Variants in REEP3 observed in about 807,000 individuals in gnomAD.
REEP3 encodes the protein receptor accessory protein 3, also known as receptor expression-enhancing protein 3.
A neutral mutation model predicts 41.3 loss-of-function variants in REEP3; 20 were observed. That is an observed-to-expected ratio of 0.48 (90% confidence interval 0.34 to 0.70). REEP3 has a LOEUF of 0.70. Among genes scored for constraint, REEP3 ranks in the 30% least tolerant of loss-of-function variants. The pLI is 0.01. For synonymous variants in REEP3, 104 were observed against 101.8 expected, an observed-to-expected ratio of 1.02 and a Z score of -0.13; for missense variants, 271 against 308.8, an observed-to-expected ratio of 0.88 and a Z score of 0.92.
chr10:63,533,662 G>A (rs1955446019), intron 1 of REEP3, among the ~76,000 whole-genome samples: 1 of 150,556 alleles, frequency 6.6e-6, no homozygotes, highest in Non-Finnish European at 1.5e-5. Context: ...ACTCTTTAAA[G>A]ATATACCTAT....
At chr10:63,564,134 A>C (rs1727323341) in intron 1 of REEP3, among the ~76,000 whole-genome samples, 1 of 152,228 alleles carries the variant, frequency 6.6e-6, no homozygotes, top group African/African-American at 2.4e-5. Flanking sequence ...TACCATGCCA[A>C]TATAAGATGT....
chr10:63,588,587 AACAT>A (rs1956028999), intron 2 of REEP3, among the ~76,000 whole-genome samples: 1 of 152,222 alleles, frequency 6.6e-6, no homozygotes, highest in African/African-American at 2.4e-5. Context: ...CCAATCCATC[AACAT>A]ACATTTATTT....
intron 6 of REEP3, among the ~76,000 whole-genome samples, chr10:63,613,220 C>T (rs2133431190): frequency 6.6e-6 from 1 of 152,252 alleles, no homozygotes; most frequent in Non-Finnish European, 1.5e-5. Flanking sequence ...CCATGTTGGT[C>T]AGGCTGGTCT....
intron 2 of REEP3, among the ~76,000 whole-genome samples, chr10:63,573,988 C>T (rs1306551748): frequency 1.3e-5 from 2 of 152,094 alleles, no homozygotes; most frequent in African/African-American, 2.4e-5. Flanking sequence ...TTTATCAAAG[C>T]TGTATTTACT....
chr10:63,525,697 G>A (rs1296409361), intron 1 of REEP3, among the ~76,000 whole-genome samples: 1 of 152,134 alleles, frequency 6.6e-6, no homozygotes, highest in Non-Finnish European at 1.5e-5. Context: ...GGGATTACAG[G>A]CATGAATAGT....
chr10:63,612,539 C>G (rs1481211450), intron 6 of REEP3, among the ~76,000 whole-genome samples: 1 of 152,070 alleles, frequency 6.6e-6, no homozygotes, highest in Admixed American at 6.5e-5. Flanking sequence ...ACCTGTAATC[C>G]CAGAACTTTG....
chr10:63,552,431 T>C (rs1207426135), intron 1 of REEP3, among the ~76,000 whole-genome samples: 1 of 151,936 alleles, frequency 6.6e-6, no homozygotes, highest in Non-Finnish European at 1.5e-5. Flanking sequence ...GAAAGAAATA[T>C]AACATTGATG....
chr10:63,575,838 A>G (rs1955894400), intron 2 of REEP3, among the ~76,000 whole-genome samples: 1 of 152,122 alleles, frequency 6.6e-6, no homozygotes, highest in Non-Finnish European at 1.5e-5. Flanking sequence ...GGTTCAAGCA[A>G]TTCTCCTGTC....
At chr10:63,589,481 G>A (rs1442153257) in intron 2 of REEP3, among the ~76,000 whole-genome samples, 2 of 152,110 alleles carry the variant, frequency 1.3e-5, no homozygotes, top group East Asian at 3.9e-4. Flanking sequence ...AAAAGCATGA[G>A]GTCACAATAT....
intron 2 of REEP3, among the ~76,000 whole-genome samples, chr10:63,589,813 G>GTTTTTTTTTTTT (rs1956043188): frequency 5.7e-5 from 2 of 34,874 alleles, no homozygotes; most frequent in African/African-American, 9.9e-5. Context: ...TTTTTTTTTG[G>GTTTTTTTTTTTT]AAACGGAGTC....
intron 1 of REEP3, chr10:63,562,913 G>A (rs773532465): frequency 4.4e-5 from 20 of 456,320 alleles, no homozygotes; most frequent in Non-Finnish European, 6.6e-5. Context: ...ATGTGACTAC[G>A]TTTGGAGTTA....
chr10:63,620,761 A>AT (rs1554809373), intron 7 of REEP3, 52 bp from the exon 8 acceptor site: 10 of 1,238,924 alleles, frequency 8.1e-6, no homozygotes, highest in East Asian at 7.6e-5. Flanking sequence ...ATCTGATGTA[A>AT]TTTTTTAAAG....
intron 1 of REEP3, among the ~76,000 whole-genome samples, chr10:63,530,289 A>T (rs565206116): frequency 6.6e-6 from 1 of 152,136 alleles, no homozygotes; most frequent in African/African-American, 2.4e-5. Flanking sequence ...TAAAATCTCA[A>T]TGATAGCTAA....
At chr10:63,568,805 A>G (rs1008316038) in intron 2 of REEP3, among the ~76,000 whole-genome samples, 5 of 140,464 alleles carry the variant, frequency 3.6e-5, no homozygotes, top group African/African-American at 1.3e-4. Flanking sequence ...ACAGCCGTGC[A>G]CCACCATGCC....
chr10:63,625,128 A>G lies in REEP3; in HGVS notation c.*4259A>G, dbSNP rs989182477. Reference sequence around the variant, plus strand: ...ATAAATAAAAATTCAAAAGAACACAATATATGAACGGCATTTTTTTTCAGT... The same window carrying G: ...ATAAATAAAAATTCAAAAGAACACAGTATATGAACGGCATTTTTTTTCAGT... On this transcript the variant is annotated 3_prime_UTR_variant, in exon 8 of 8. Coordinates refer to ENST00000373758, the MANE Select transcript of REEP3 (RefSeq NM_001001330.3). 2.6e-5 allele frequency: 4 copies of G among 152,318 alleles called. No homozygotes were observed. Among genetic ancestry groups the G allele is most frequent in the Middle Eastern group, 3.4e-3 (1 of 294 alleles). The allele number at this position is 152,318 out of a possible 1,614,324, so 9.4% of individuals were successfully genotyped here. A position where few individuals can be genotyped will look rare whatever the true frequency, so the allele number is the denominator to read the frequency against.
At chr10:63,566,591 A>G (rs139761683) in intron 2 of REEP3, among the ~76,000 whole-genome samples, 181 bp downstream of exon 2, 2 of 152,366 alleles carry the variant, frequency 1.3e-5, no homozygotes, top group East Asian at 1.9e-4. Context: ...TGGAGTTTCA[A>G]TAAAAATAAG....
intron 1 of REEP3, among the ~76,000 whole-genome samples, chr10:63,544,108 G>C (rs1021731318): frequency 1.3e-5 from 2 of 152,084 alleles, no homozygotes; most frequent in Admixed American, 6.5e-5. Flanking sequence ...CTTGTAAAAA[G>C]GCCCCAGTCA....
chr10:63,610,519 G>C (rs933782179), intron 6 of REEP3, among the ~76,000 whole-genome samples, 185 bp downstream of exon 6: 1 of 152,026 alleles, frequency 6.6e-6, no homozygotes, highest in Non-Finnish European at 1.5e-5. Context: ...CATGGCACAT[G>C]TATACCTGTG....
At chr10:63,590,254 G>A (rs1013532032) in intron 2 of REEP3, among the ~76,000 whole-genome samples, 1 of 152,118 alleles carries the variant, frequency 6.6e-6, no homozygotes, top group Admixed American at 6.5e-5. Context: ...TTGTTTTTCT[G>A]CCCAGTGAAA....
Sources: gnomAD v4.1 joint callset for allele counts (sites outside exome capture counted in the v4.1 genomes callset) on GRCh38, gnomAD v4.1.1 for gene constraint, MANE v1.5 for transcripts, NCBI Gene and HGNC (gene_info 2026-07-23, HGNC 2026-07-21) for gene names.